The following PGR variants were observed in gnomAD, a reference collection of about 807,000 sequenced individuals.
PGR encodes nuclear receptor subfamily 3 group C member 3.
Under a neutral mutation model 76.1 loss-of-function variants are expected in PGR, and 25 were observed. That is an observed-to-expected ratio of 0.33 (90% CI 0.24 to 0.46). PGR has a LOEUF of 0.46. Among genes scored for constraint, PGR ranks in the 20% least tolerant of loss-of-function variants. The pLI is 1.00. For missense variants in PGR, 1,172 were observed against 1,225.3 expected (o/e 0.96, Z 0.65); for synonymous variants, 579 against 535.0 (o/e 1.08, Z -1.14).
intron 2 of PGR, among the ~76,000 whole-genome samples, chr11:101,100,075 T>TA (rs1861950796): frequency 6.6e-6 from 1 of 152,204 alleles, no homozygotes; most frequent in Admixed American, 6.5e-5. Flanking sequence ...TGATTACTGA[T>TA]ATGGTTTGGC....
Position 101,034,750 on chromosome 11 carries a change from T to C in PGR, c.*4366A>G, listed in dbSNP as rs1859455681. 1 of 175,322 alleles carries C rather than the reference T, an allele frequency of 5.7e-6. No individual in the cohort carries two copies. The highest frequency in any genetic ancestry group is 1.2e-5 in the Non-Finnish European group (1 of 81,258). The allele number at this position is 175,322 out of a possible 1,614,324, so 10.9% of individuals were successfully genotyped here. ...CTAGGCCCAGTTCAGCTTGGATTCA[T>C]CTTATGGATGTTGACTAATCTGGCT... On this transcript the variant is annotated 3_prime_UTR_variant, in exon 8 of 8. Coordinates refer to ENST00000325455, the MANE Select transcript of PGR (RefSeq NM_000926.4).
At chr11:101,076,917 G>A (rs1346111783) in intron 3 of PGR, among the ~76,000 whole-genome samples, 2 of 97,194 alleles carry the variant, frequency 2.1e-5, no homozygotes, top group Non-Finnish European at 4.3e-5. Context: ...ACTACAAATG[G>A]AATTTTTTTT....
At chr11:101,054,264 T>C (rs1175888675) in intron 4 of PGR, among the ~76,000 whole-genome samples, 2 of 152,182 alleles carry the variant, frequency 1.3e-5, no homozygotes, top group Admixed American at 1.3e-4. Context: ...ACATAGTTTA[T>C]TTTTAATACT....
intron 2 of PGR, among the ~76,000 whole-genome samples, chr11:101,100,234 T>G (rs1428164865): frequency 6.6e-6 from 1 of 152,116 alleles, no homozygotes; most frequent in East Asian, 1.9e-4. Context: ...GATCAATCAG[T>G]GAATTCTCAT....
intron 3 of PGR, among the ~76,000 whole-genome samples, chr11:101,076,919 A>ATTTTTTTTTTTTT (rs59106149): frequency 1.5e-5 from 1 of 65,132 alleles, no homozygotes; most frequent in Non-Finnish European, 3.3e-5. Flanking sequence ...TACAAATGGA[A>ATTTTTTTTTTTTT]TTTTTTTTTT....
Position 101,029,816 on chromosome 11 carries a change from T to C in PGR, c.*9300A>G, listed in dbSNP as rs1484337141. ...AAAATATTTTCTCTGAAATCTACAC[T>C]TAGTTTAAAAACAGAGATGGGATTT... On this transcript the variant is annotated 3_prime_UTR_variant, in exon 8 of 8. Transcript: ENST00000325455. 1 of 219,696 alleles carries C rather than the reference T, an allele frequency of 4.6e-6. No homozygotes were observed. The highest frequency in any genetic ancestry group is 9.1e-6 in the Non-Finnish European group (1 of 109,656). 13.6% of individuals were successfully genotyped at this position (219,696 alleles called of 1,614,324 possible).
At chr11:101,095,219 T>C (rs1353327595) in intron 2 of PGR, among the ~76,000 whole-genome samples, 2 of 152,242 alleles carry the variant, frequency 1.3e-5, no homozygotes, top group African/African-American at 2.4e-5. Context: ...TCAACAAGTA[T>C]TGAGTATCTA....
At position 101,128,833 on chromosome 11, in the gene PGR, G is replaced by A. The variant is rs1591440693; in HGVS notation, c.238C>T (p.Leu80=). 1 of 1,614,084 alleles carries A rather than the reference G, an allele frequency of 6.2e-7. No homozygotes were observed. The highest frequency in any genetic ancestry group is 1.3e-5 in the African/African-American group (1 of 74,962). The change falls in exon 1 of 8, where the codon CTG becomes TTG. Residue 80 remains leucine (L), a synonymous_variant. Transcript: ENST00000325455. The stretch of plus-strand genomic sequence containing the variant: ...GAATATGCGCCCTCCACGTCCGACA[G>A]CGACTGCTGGTCCTGCGTCTTTTCG... ...SDEKTQDQQS[L]SDVEGAYSRA...
At chr11:101,046,406 C>T (rs1355387264) in intron 6 of PGR, among the ~76,000 whole-genome samples, 1 of 145,924 alleles carries the variant, frequency 6.9e-6, no homozygotes, top group Non-Finnish European at 1.5e-5. Flanking sequence ...GCCCAGCTTG[C>T]CCTCCCAAAG....
At chr11:101,086,771 C>A (rs1057418227) in intron 3 of PGR, among the ~76,000 whole-genome samples, 1 of 152,080 alleles carries the variant, frequency 6.6e-6, no homozygotes, top group Admixed American at 6.6e-5. Flanking sequence ...AAAATTAGTA[C>A]CATTTCTATA....
At chr11:101,111,585 C>T (rs149766670) in intron 2 of PGR, among the ~76,000 whole-genome samples, 1 of 152,106 alleles carries the variant, frequency 6.6e-6, no homozygotes, top group Non-Finnish European at 1.5e-5. Flanking sequence ...TTTCTGGGTC[C>T]CTTTCTTAGA....
chr11:101,055,784 T>C (rs1005767851), intron 4 of PGR, among the ~76,000 whole-genome samples: 1 of 152,186 alleles, frequency 6.6e-6, no homozygotes, highest in Non-Finnish European at 1.5e-5. Flanking sequence ...GTTTTCGTCT[T>C]TTTGCTTTTT....
At chr11:101,053,020 T>C (rs1407657979) in intron 4 of PGR, among the ~76,000 whole-genome samples, 7 of 152,142 alleles carry the variant, frequency 4.6e-5, no homozygotes, top group African/African-American at 7.2e-5. Flanking sequence ...AAAATATTAA[T>C]ATAAATTTGA....
chr11:101,062,315 C>T (rs1860530488), intron 4 of PGR, 132 bp downstream of exon 4: 6 of 730,870 alleles, frequency 8.2e-6, no homozygotes, highest in African/African-American at 3.5e-5. Flanking sequence ...TTGAACTGCT[C>T]AAACACATAC....
intron 3 of PGR, among the ~76,000 whole-genome samples, chr11:101,078,710 CAT>C (rs1333950899): frequency 2.6e-5 from 4 of 152,168 alleles, no homozygotes; most frequent in Non-Finnish European, 4.4e-5. Flanking sequence ...ATAATCAAAA[CAT>C]AGCCACGGAA....
chr11:101,062,764 A>T lies in PGR; in HGVS notation c.1907-12T>A. The T allele has an allele frequency of 6.3e-7, 1 of 1,581,428 alleles. No individual in the cohort carries two copies. ...TTTAAATTTTCGACCTACAGAGAAG[A>T]AAAAAAAGAAATTCATGTAAATATA... On this transcript the variant is annotated splice_polypyrimidine_tract_variant and intron_variant, in intron 3 of 7. Transcript: ENST00000325455.
chr11:101,059,785 A>G lies in PGR; in HGVS notation c.2212+2662T>C, dbSNP rs572192684. ...TTGAGACCAAGAGGTCCAGGCTGCA[A>G]TGAGCCAAGATCATGCCACTGTGGT... On this transcript the variant is annotated intron_variant, in intron 4 of 7. Transcript: ENST00000325455. 3.4e-5 allele frequency among the ~76,000 whole-genome samples: 5 copies of G among 148,418 alleles called. No individual in the cohort carries two copies. In the South Asian group the frequency reaches 1.1e-3, roughly 32 times the overall value.
At chr11:101,110,496 A>T (rs1260025344) in intron 2 of PGR, among the ~76,000 whole-genome samples, 3 of 152,176 alleles carry the variant, frequency 2.0e-5, no homozygotes, top group Non-Finnish European at 2.9e-5. Context: ...CAAAGATGTG[A>T]CTGAATTGCT....
chr11:101,100,632 C>T (rs1861968472), intron 2 of PGR, among the ~76,000 whole-genome samples: 1 of 151,460 alleles, frequency 6.6e-6, no homozygotes, highest in Non-Finnish European at 1.5e-5. Context: ...CACACACACA[C>T]ACAATACATA....
Sources: gnomAD v4.1 joint callset for allele counts (sites outside exome capture counted in the v4.1 genomes callset) on GRCh38, gnomAD v4.1.1 for gene constraint, MANE v1.5 for transcripts, NCBI Gene and HGNC (gene_info 2026-07-23, HGNC 2026-07-21) for gene names.